The following ILRUN variants were observed in gnomAD, a reference collection of about 807,000 sequenced individuals.
ILRUN encodes inflammation and lipid regulator with UBA-like and NBR1-like domains, also known as protein ILRUN.
A neutral mutation model predicts 33.8 loss-of-function variants in ILRUN; 3 were observed. The observed-to-expected ratio is 0.09, with a 90% CI of 0.04 to 0.23. The LOEUF is 0.23. ILRUN is among the 10% of genes least tolerant of loss of function. ILRUN has a pLI of 1.00. For synonymous variants in ILRUN, 124 were observed against 138.9 expected (o/e 0.89, Z 0.75); for missense variants, 210 against 375.1 (o/e 0.56, Z 3.64).
intron 1 of ILRUN, among the ~76,000 whole-genome samples, chr6:34,677,425 T>C (rs889573461): frequency 6.6e-6 from 1 of 152,018 alleles, no homozygotes; most frequent in Non-Finnish European, 1.5e-5. Flanking sequence ...TAATGGGACG[T>C]TAGGAGTCAT....
chr6:34,609,906 C>T (rs1295463840), intron 3 of ILRUN, among the ~76,000 whole-genome samples: 1 of 152,098 alleles, frequency 6.6e-6, no homozygotes, highest in East Asian at 1.9e-4. Flanking sequence ...TGCCTGTAAT[C>T]CCAGCACTTT....
At chr6:34,624,677 A>T (rs753648320) in intron 3 of ILRUN, among the ~76,000 whole-genome samples, 3 of 152,006 alleles carry the variant, frequency 2.0e-5, no homozygotes, top group Non-Finnish European at 4.4e-5. Context: ...AACAACAACC[A>T]CCCATTCCTC....
chr6:34,605,206 T>A (rs1419281754), intron 4 of ILRUN, among the ~76,000 whole-genome samples: 2 of 150,196 alleles, frequency 1.3e-5, no homozygotes, highest in Middle Eastern at 3.5e-3. Context: ...CTCCGGAGGC[T>A]GAGGCAGGAG....
intron 1 of ILRUN, among the ~76,000 whole-genome samples, chr6:34,676,484 G>A (rs2814942): frequency 0.43 from 63,956 of 149,590 alleles, 15,219 homozygotes; most frequent in African/African-American, 0.65. Context: ...AGCTAGATAG[G>A]TAGATATGCA....
At chr6:34,651,282 C>T (rs910856375) in intron 2 of ILRUN, among the ~76,000 whole-genome samples, 1 of 152,132 alleles carries the variant, frequency 6.6e-6, no homozygotes, top group Non-Finnish European at 1.5e-5. Flanking sequence ...CCTGTTCAGG[C>T]ACAAGAATGC....
In ILRUN at chr6:34,676,442, C is replaced by CTAGCTAGA. The variant is rs377034822; in HGVS notation, c.158+20003_158+20004insTCTAGCTA. Among the ~76,000 whole-genome samples, 10 of 149,856 alleles carry CTAGCTAGA rather than the reference C, an allele frequency of 6.7e-5. 1 individual carries two copies. The highest frequency in any genetic ancestry group is 1.5e-4 in the African/African-American group (6 of 40,224). ...CAGATAGATATAGCTAGCTAGCTAG[C>CTAGCTAGA]TAGATAGATAGATATAGCTAGCTAG... On this transcript the variant is annotated intron_variant, in intron 1 of 4. Transcript: ENST00000374023.
intron 1 of ILRUN, among the ~76,000 whole-genome samples, chr6:34,655,804 TAA>T (rs929640545): frequency 6.4e-4 from 97 of 152,316 alleles, no homozygotes; most frequent in African/African-American, 2.2e-3. Context: ...ACCAAGAATA[TAA>T]GAGTACGCCT....
At chr6:34,653,778 A>G (rs1042614875) in intron 2 of ILRUN, among the ~76,000 whole-genome samples, 89 of 151,890 alleles carry the variant, frequency 5.9e-4, no homozygotes, top group African/African-American at 2.2e-3. Flanking sequence ...TTCGAGATCA[A>G]CCTGGGCAAC....
intron 3 of ILRUN, chr6:34,616,985 G>A (rs1761904721): frequency 1.8e-6 from 1 of 549,002 alleles, no homozygotes; most frequent in Middle Eastern, 5.1e-4. Context: ...CTACAAGCAT[G>A]GTTATGGCAA....
chr6:34,685,995 T>C (rs1209353815), intron 1 of ILRUN, among the ~76,000 whole-genome samples: 1 of 152,096 alleles, frequency 6.6e-6, no homozygotes, highest in Non-Finnish European at 1.5e-5. Flanking sequence ...AACAAAGGGA[T>C]AAATCTTCAT....
intron 1 of ILRUN, among the ~76,000 whole-genome samples, chr6:34,678,305 T>C (rs898900615): frequency 6.6e-6 from 1 of 152,160 alleles, no homozygotes; most frequent in Non-Finnish European, 1.5e-5. Context: ...CCTCCCAAAG[T>C]GCTGGGATAT....
At chr6:34,643,651 G>T (rs984537462) in intron 3 of ILRUN, among the ~76,000 whole-genome samples, 4 of 152,154 alleles carry the variant, frequency 2.6e-5, no homozygotes, top group African/African-American at 9.7e-5. Context: ...TTACAAAAGT[G>T]TCTTGAACTT....
At chr6:34,618,172 G>T (rs1476664699) in intron 3 of ILRUN, among the ~76,000 whole-genome samples, 1 of 152,076 alleles carries the variant, frequency 6.6e-6, no homozygotes, top group Admixed American at 6.6e-5. Flanking sequence ...AATCTGTTCA[G>T]AATGAAAAAG....
intron 1 of ILRUN, among the ~76,000 whole-genome samples, chr6:34,661,904 T>A (rs927770785): frequency 6.6e-6 from 1 of 152,038 alleles, no homozygotes. Flanking sequence ...GGTGGGCAGA[T>A]CACAAGGTCA....
intron 1 of ILRUN, among the ~76,000 whole-genome samples, chr6:34,659,235 T>A (rs1303305685): frequency 6.6e-6 from 1 of 152,200 alleles, no homozygotes; most frequent in Non-Finnish European, 1.5e-5. Flanking sequence ...CACAGCACAG[T>A]TTCAACTGCA....
intron 3 of ILRUN, among the ~76,000 whole-genome samples, chr6:34,613,096 A>G (rs1412451242): frequency 3.3e-5 from 5 of 151,894 alleles, no homozygotes; most frequent in Non-Finnish European, 7.4e-5. Context: ...CTGTAGTCTC[A>G]GCTACCTAGC....
intron 3 of ILRUN, among the ~76,000 whole-genome samples, chr6:34,610,311 G>C (rs1761722471): frequency 6.6e-6 from 1 of 152,156 alleles, no homozygotes; most frequent in Non-Finnish European, 1.5e-5. Context: ...CAGGAATAGT[G>C]GGTCAGAGGA....
chr6:34,624,591 C>A (rs1762077460), intron 3 of ILRUN, among the ~76,000 whole-genome samples: 1 of 152,110 alleles, frequency 6.6e-6, no homozygotes, highest in Non-Finnish European at 1.5e-5. Flanking sequence ...GCCTGGGCCT[C>A]CCAAAGTGCT....
At chr6:34,623,015 T>C (rs574022882) in intron 3 of ILRUN, among the ~76,000 whole-genome samples, 1 of 152,236 alleles carries the variant, frequency 6.6e-6, no homozygotes, top group Non-Finnish European at 1.5e-5. Flanking sequence ...TACTATATAA[T>C]TCCACGTATG....
Sources: allele counts gnomAD v4.1 joint callset (sites outside exome capture counted in the v4.1 genomes callset), GRCh38; gene constraint gnomAD v4.1.1; transcripts MANE v1.5; gene names NCBI Gene and HGNC (gene_info 2026-07-23, HGNC 2026-07-21).